ATP13A4: variants seen among roughly 807,000 people sequenced by gnomAD.
ATP13A4 encodes ATPase 13A4.
Under a neutral mutation model 142.5 loss-of-function variants are expected in ATP13A4, and 114 were observed. The ratio of observed to expected loss-of-function variants is 0.80; its 90% CI spans 0.69 to 0.93. The LOEUF is 0.93. Ranked by LOEUF, ATP13A4 falls within the 40% of genes least tolerant of loss-of-function variation. ATP13A4 has a pLI of 0.00. For synonymous variants in ATP13A4, 488 were observed against 514.8 expected (o/e 0.95, Z 0.70); for missense variants, 1,392 against 1,454.0 (o/e 0.96, Z 0.69).
Position 193,477,108 on chromosome 3 carries a change from AC to A in ATP13A4, c.809-6116del, listed in dbSNP as rs142824597. On this transcript the variant is annotated intron_variant, in intron 8 of 29. Transcript: ENST00000342695. ...GCACAATAAAGCAAGGGGCAATAAAACAAAGCGTGCTTGCATATGTATCATA... is the reference window on the plus strand; with the variant it reads ...GCACAATAAAGCAAGGGGCAATAAAAAAAGCGTGCTTGCATATGTATCATA... Among the ~76,000 whole-genome samples the A allele has an allele frequency of 6.1e-3, 934 of 152,212 alleles. 18 individuals are homozygous for A. The highest frequency in any genetic ancestry group is 0.022 in the African/African-American group (902 of 41,466).
At chr3:193,443,779 G>C (rs1420622664) in intron 18 of ATP13A4, among the ~76,000 whole-genome samples, 1 of 151,788 alleles carries the variant, frequency 6.6e-6, no homozygotes, top group Admixed American at 6.6e-5. Flanking sequence ...TTCTCAACAA[G>C]AAAATATAAA....
intron 8 of ATP13A4, among the ~76,000 whole-genome samples, chr3:193,480,845 C>A (rs1050978855): frequency 3.3e-5 from 5 of 152,098 alleles, no homozygotes; most frequent in Non-Finnish European, 5.9e-5. Context: ...TAGAGCAGCA[C>A]AATTTGTAAC....
At chr3:193,458,997 A>G (rs1717794052) in intron 14 of ATP13A4, 84 bp downstream of exon 14, 2 of 1,577,996 alleles carry the variant, frequency 1.3e-6, no homozygotes, top group Non-Finnish European at 1.7e-6. Flanking sequence ...CTCACCTTTT[A>G]TAAGAATTAG....
intron 25 of ATP13A4, among the ~76,000 whole-genome samples, chr3:193,425,046 C>G (rs1476650966): frequency 6.7e-6 from 1 of 148,258 alleles, no homozygotes; most frequent in Non-Finnish European, 1.5e-5. Flanking sequence ...AAATACCTGA[C>G]AAGACATTTC....
chr3:193,441,469 T>A lies in ATP13A4; in HGVS notation c.2436A>T (p.Pro812=), dbSNP rs1184730022. ...VISQHFSSLL[P]KILINGTIFA... ...TTGTCACCCTCTTAGAACTTACCTT[T>A]GGCAGTAGGCTGCTGAAATGTTGAC... is the stretch of plus-strand genomic sequence containing the variant. The change falls in exon 20 of 30, where the codon CCA becomes CCT. Residue 812 remains proline (P), a synonymous_variant. Transcript: ENST00000342695. 2 of 1,613,730 alleles carry A rather than the reference T, an allele frequency of 1.2e-6. No homozygotes were observed. Among genetic ancestry groups the A allele is most frequent in the Non-Finnish European group, 1.7e-6 (2 of 1,179,804 alleles).
At chr3:193,544,565 G>A (rs901776983) in intron 1 of ATP13A4, among the ~76,000 whole-genome samples, 1 of 152,172 alleles carries the variant, frequency 6.6e-6, no homozygotes, top group Non-Finnish European at 1.5e-5. Flanking sequence ...CACAAAGAGA[G>A]ACCACTTCTA....
At chr3:193,554,474 C>G (rs1435009087) in intron 1 of ATP13A4, 1 of 533,304 alleles carries the variant, frequency 1.9e-6, no homozygotes, top group African/African-American at 1.9e-5. Context: ...TGCTTCTCTC[C>G]CTCTCTGTTT....
chr3:193,450,123 AAAAAG>A (rs1717191461), intron 17 of ATP13A4, among the ~76,000 whole-genome samples: 1 of 151,982 alleles, frequency 6.6e-6, no homozygotes, highest in Admixed American at 6.6e-5. Context: ...CAAAAAAAAA[AAAAAG>A]AAAAGAAAAA....
chr3:193,467,352 A>G lies in ATP13A4; in HGVS notation c.1078T>C (p.Cys360Arg). The G allele has an allele frequency of 4.3e-6, 7 of 1,614,186 alleles. No individual in the cohort carries two copies. The highest frequency in any genetic ancestry group is 5.9e-6 in the Non-Finnish European group (7 of 1,180,032). Residue 360 changes from cysteine (C) to arginine (R), a missense_variant, in exon 10 of 30, where the codon TGC (cysteine) becomes CGC (arginine). Cys to Arg is a radical substitution (Grantham distance 180, BLOSUM62 -3). Transcript: ENST00000342695. ...GTEVIQAKAA[C>R]SGTVRAVVLQ... ...ACCACGGCTCTCACGGTCCCAGAGC[A>G]AGCTGCCTTGGCCTGGATAACCTCT...
At chr3:193,546,333 A>G (rs1418294681) in intron 1 of ATP13A4, among the ~76,000 whole-genome samples, 2 of 152,070 alleles carry the variant, frequency 1.3e-5, no homozygotes, top group Non-Finnish European at 2.9e-5. Flanking sequence ...TGTTTACCCA[A>G]TGTAGTTACT....
chr3:193,414,630 G>T lies in ATP13A4; in HGVS notation c.2963C>A (p.Ala988Glu). 1 of 1,614,112 alleles carries T rather than the reference G, an allele frequency of 6.2e-7. No homozygotes were observed. The highest frequency in any genetic ancestry group is 8.5e-7 in the Non-Finnish European group (1 of 1,179,996). Residue 988 changes from alanine (A) to glutamate (E), a missense_variant, in exon 26 of 30, where the codon GCA becomes GAA. By Grantham distance (107) the Ala-to-Glu change is moderately radical. Coordinates refer to ENST00000342695, the MANE Select transcript of ATP13A4 (RefSeq NM_032279.4). ...NILLSLAMHIAGFILVQRQPW... is the reference protein window; with the variant it reads ...NILLSLAMHIEGFILVQRQPW... ...CTGCCTCTGAACCAGGATGAAGCCT[G>T]CAATATGCATGGCCAGGCTGAGAAG...
intron 2 of ATP13A4, 50 bp downstream of exon 2, chr3:193,514,633 ATCCCGTAACACATTG>A: frequency 6.3e-7 from 1 of 1,587,328 alleles, no homozygotes; most frequent in Non-Finnish European, 8.6e-7. Context: ...CCCCCCAGCC[ATCCCGTAACACATTG>A]TCCAGAAACA....
chr3:193,495,714 G>A (rs988993367), intron 3 of ATP13A4, among the ~76,000 whole-genome samples: 8 of 152,016 alleles, frequency 5.3e-5, no homozygotes, highest in East Asian at 1.9e-4. Context: ...AACATACTAC[G>A]GGAAGTCCTA....
chr3:193,534,110 C>T (rs1319126612), intron 1 of ATP13A4, among the ~76,000 whole-genome samples: 1 of 152,158 alleles, frequency 6.6e-6, no homozygotes, highest in Non-Finnish European at 1.5e-5. Flanking sequence ...AGTTTGAACT[C>T]CTACCTTTAT....
At chr3:193,538,035 C>T (rs1354148229) in intron 1 of ATP13A4, among the ~76,000 whole-genome samples, 1 of 152,110 alleles carries the variant, frequency 6.6e-6, no homozygotes, top group Non-Finnish European at 1.5e-5. Flanking sequence ...TGTGTCTTGA[C>T]TGTATCAATG....
At chr3:193,576,630 C>T (rs1403415233) in intron 2 of ATP13A4, among the ~76,000 whole-genome samples, 1 of 152,084 alleles carries the variant, frequency 6.6e-6, no homozygotes, top group African/African-American at 2.4e-5. Context: ...CTCTGGGTTA[C>T]GGCATCAAAT....
At chr3:193,438,370 G>A (rs938461083) in intron 23 of ATP13A4, 105 bp downstream of exon 23, 69 of 928,826 alleles carry the variant, frequency 7.4e-5, no homozygotes, top group South Asian at 7.0e-4. Flanking sequence ...AACACCCTCC[G>A]CACCCAGGGA....
chr3:193,546,362 C>T (rs1245523857), intron 1 of ATP13A4, among the ~76,000 whole-genome samples: 1 of 152,122 alleles, frequency 6.6e-6, no homozygotes, highest in African/African-American at 2.4e-5. Flanking sequence ...TTTCCTGCTG[C>T]ATAAACCCCA....
intron 13 of ATP13A4, among the ~76,000 whole-genome samples, chr3:193,460,220 T>TTA (rs1232416463): frequency 1.3e-5 from 2 of 152,232 alleles, no homozygotes; most frequent in Non-Finnish European, 2.9e-5. Flanking sequence ...GTTCCTCTAA[T>TTA]AACAGCTTGA....
Sources: allele counts gnomAD v4.1 joint callset (sites outside exome capture counted in the v4.1 genomes callset), GRCh38; gene constraint gnomAD v4.1.1; transcripts MANE v1.5; gene names NCBI Gene and HGNC (gene_info 2026-07-23, HGNC 2026-07-21).